AP3D1: variants seen among roughly 807,000 people sequenced by gnomAD.
AP3D1 encodes the protein adaptor related protein complex 3 subunit delta 1.
In AP3D1, 51 loss-of-function variants were observed where a neutral mutation model predicts 147.6. The observed-to-expected ratio is 0.35, with a 90% CI of 0.28 to 0.44. The LOEUF is 0.44. Among genes scored for constraint, AP3D1 ranks in the 20% least tolerant of loss-of-function variants. The pLI, the probability that AP3D1 is intolerant of heterozygous loss-of-function variation, is 1.00. For missense variants in AP3D1, 1,421 were observed against 1,624.2 expected, an observed-to-expected ratio of 0.87 and a Z score of 2.15; for synonymous variants, 760 against 663.0, an observed-to-expected ratio of 1.15 and a Z score of -2.25.
intron 5 of AP3D1, among the ~76,000 whole-genome samples, chr19:2,130,947 T>C (rs1016504364): frequency 6.6e-6 from 1 of 152,258 alleles, no homozygotes; most frequent in Admixed American, 6.5e-5. Context: ...CGCCTCGAAC[T>C]GCCTGGTCCT....
In AP3D1 at chr19:2,151,544, C is replaced by A; in HGVS notation, c.-210G>T. On this transcript the variant is annotated 5_prime_UTR_variant, in exon 1 of 32. Coordinates refer to ENST00000643116, the MANE Select transcript of AP3D1 (RefSeq NM_001261826.3). The stretch of plus-strand genomic sequence containing the variant: ...CCGCGATCCCGCTCCGGGCCCCTTG[C>A]AAATGGCGGACAAGATGGCGGCGGG... 1 of 162,424 alleles carries A rather than the reference C, an allele frequency of 6.2e-6. No homozygotes were observed. The highest frequency in any genetic ancestry group is 2.0e-4 in the South Asian group (1 of 4,982). The allele number at this position is 162,424 out of a possible 1,614,324, so 10.1% of individuals were successfully genotyped here.
intron 1 of AP3D1, among the ~76,000 whole-genome samples, chr19:2,145,883 A>G (rs1168190127): frequency 1.3e-5 from 2 of 152,234 alleles, no homozygotes; most frequent in Non-Finnish European, 2.9e-5. Flanking sequence ...GCAAGCGGCT[A>G]AACGCCTGTG....
At chr19:2,151,059 G>A (rs2019494413) in intron 1 of AP3D1, among the ~76,000 whole-genome samples, 180 bp downstream of exon 1, 1 of 152,252 alleles carries the variant, frequency 6.6e-6, no homozygotes, top group African/African-American at 2.4e-5. Context: ...CTGATGCTGG[G>A]GGACCGAGGA....
At chr19:2,131,428 A>C (rs1428750900) in intron 5 of AP3D1, among the ~76,000 whole-genome samples, 1 of 146,422 alleles carries the variant, frequency 6.8e-6, no homozygotes, top group Non-Finnish European at 1.5e-5. Context: ...CGATCTAGAC[A>C]CCGGGTGGAC....
intron 1 of AP3D1, among the ~76,000 whole-genome samples, chr19:2,140,480 CTTTT>C (rs34572080): frequency 2.0e-5 from 3 of 147,510 alleles, no homozygotes; most frequent in Non-Finnish European, 4.5e-5. Flanking sequence ...ACTTGCTTGA[CTTTT>C]TTTTTTTTTG....
chr19:2,121,086 G>C lies in AP3D1; in HGVS notation c.1257C>G (p.Ile419Met), dbSNP rs939949040. ...YQYITNFEWYISILVELTRLE... is the reference protein window; with the variant it reads ...YQYITNFEWYMSILVELTRLE... The stretch of plus-strand genomic sequence containing the variant: ...GCCGGGTCAGCTCCACCAGGATGCT[G>C]ATGTACCTGTGGGGCAGAGGCGGTG... The change falls in exon 14 of 32, where the codon ATC becomes ATG. Residue 419 changes from isoleucine to methionine, a missense_variant. This residue lies in a region of AP3D1 where 310 missense variants were observed against 388.1 expected (regional missense o/e 0.80). Transcript: ENST00000643116. 1.2e-6 allele frequency: 2 copies of C among 1,613,824 alleles called. No homozygotes were observed. Among genetic ancestry groups the C allele is most frequent in the Non-Finnish European group, 1.7e-6 (2 of 1,179,964 alleles).
At position 2,158,241 on chromosome 19, in the gene AP3D1, A is replaced by G. The variant is rs1172443368; in HGVS notation, c.-103+6115T>C. Among the ~76,000 whole-genome samples the G allele has an allele frequency of 5.9e-5, 9 of 152,062 alleles. No individual in the cohort carries two copies. In the East Asian group the frequency reaches 1.7e-3, roughly 29 times the overall value. ...CGGCTAATTTTTTCGTATTTTTAGTAGAGACGGGGTTTCACCACATTAGCC... is the reference window on the plus strand; with the variant it reads ...CGGCTAATTTTTTCGTATTTTTAGTGGAGACGGGGTTTCACCACATTAGCC... On this transcript the variant is annotated intron_variant, in intron 1 of 14. Coordinates refer to the AP3D1 transcript ENST00000643010.
At chr19:2,135,645 T>C (rs1401713835) in intron 4 of AP3D1, among the ~76,000 whole-genome samples, 1 of 152,180 alleles carries the variant, frequency 6.6e-6, no homozygotes, top group African/African-American at 2.4e-5. Context: ...AGGGCCCACC[T>C]GCGTCCGAGG....
intron 14 of AP3D1, among the ~76,000 whole-genome samples, chr19:2,120,464 C>T (rs1568286410): frequency 6.6e-6 from 1 of 152,212 alleles, no homozygotes; most frequent in Non-Finnish European, 1.5e-5. Context: ...CCACACGGAG[C>T]TCCCACCTCA....
At chr19:2,109,985 TGA>T (rs1209593466) in intron 28 of AP3D1, 27 bp from the exon 29 acceptor site, 1 of 1,611,342 alleles carries the variant, frequency 6.2e-7, no homozygotes, top group Admixed American at 1.7e-5. Flanking sequence ...GTGGTGCAGT[TGA>T]GAGGGGAGTC....
chr19:2,135,818 A>G (rs2019061294), intron 4 of AP3D1, among the ~76,000 whole-genome samples: 1 of 152,148 alleles, frequency 6.6e-6, no homozygotes, highest in African/African-American at 2.4e-5. Flanking sequence ...GCTGGGCACG[A>G]CACGTGGCCC....
At chr19:2,145,618 C>T (rs1026663880) in intron 1 of AP3D1, among the ~76,000 whole-genome samples, 4 of 152,294 alleles carry the variant, frequency 2.6e-5, no homozygotes, top group Middle Eastern at 3.4e-3. Flanking sequence ...GGGCTGGCGT[C>T]GCCGCTCCTG....
At chr19:2,149,436 C>T (rs1252556508) in intron 1 of AP3D1, among the ~76,000 whole-genome samples, 3 of 151,548 alleles carry the variant, frequency 2.0e-5, no homozygotes, top group Non-Finnish European at 4.4e-5. Context: ...CCCAGCTACT[C>T]AGGAGCTGGG....
intron 1 of AP3D1, among the ~76,000 whole-genome samples, chr19:2,143,868 G>T (rs1388809715): frequency 1.3e-5 from 2 of 151,884 alleles, no homozygotes; most frequent in Non-Finnish European, 2.9e-5. Flanking sequence ...CGGGTGCATC[G>T]CCTGAGGTTG....
intron 4 of AP3D1, among the ~76,000 whole-genome samples, chr19:2,133,879 G>T (rs994679178): frequency 6.6e-6 from 1 of 151,756 alleles, no homozygotes; most frequent in African/African-American, 2.4e-5. Context: ...GGAGTCTGAG[G>T]CGGGAAGATC....
chr19:2,111,596 G>A lies in AP3D1; in HGVS notation c.2937+83C>T, dbSNP rs142590416. 15,205 of 1,474,650 alleles carry A rather than the reference G, an allele frequency of 0.01. 106 individuals carry two copies. The highest frequency in any genetic ancestry group is 0.012 in the South Asian group (976 of 79,324). The allele number at this position is 1,474,650 out of a possible 1,614,324, so 91.3% of individuals were successfully genotyped here. A position where few individuals can be genotyped will look rare whatever the true frequency, so the allele number is the denominator to read the frequency against. ...TCTCGAATCTGCTCAGTTCTCTCCC[G>A]CATGGAGGCTGCAGGAGTGGGGAGC... On this transcript the variant is annotated intron_variant, in intron 25 of 31. Transcript: ENST00000643116.
chr19:2,106,599 G>A (rs946785405), intron 31 of AP3D1, among the ~76,000 whole-genome samples: 6 of 152,080 alleles, frequency 3.9e-5, no homozygotes, highest in Admixed American at 3.9e-4. Context: ...GACTCCAACA[G>A]TTATTTGTTT....
chr19:2,114,661 G>C, intron 21 of AP3D1, 87 bp downstream of exon 21: 1 of 838,988 alleles, frequency 1.2e-6, no homozygotes, highest in Admixed American at 1.9e-5. Flanking sequence ...ACCCTGCAGA[G>C]CCCGGCCCCA....
intron 15 of AP3D1, 97 bp downstream of exon 15, chr19:2,118,504 G>C: frequency 8.4e-7 from 1 of 1,184,666 alleles, no homozygotes; most frequent in Non-Finnish European, 1.2e-6. Context: ...AGTGGCTTCG[G>C]AAGAGGAAGC....
Sources: allele counts gnomAD v4.1 joint callset (sites outside exome capture counted in the v4.1 genomes callset), GRCh38; gene constraint gnomAD v4.1.1; regional missense constraint gnomAD v4.1.1; transcripts MANE v1.5; gene names NCBI Gene and HGNC (gene_info 2026-07-23, HGNC 2026-07-21).